Variants in RNF214 observed in about 807,000 individuals in gnomAD.
RNF214 encodes the protein ring finger protein 214.
In RNF214, 25 loss-of-function variants were observed where a neutral mutation model predicts 75.9. The observed-to-expected ratio is 0.33, with a 90% CI of 0.24 to 0.46. The LOEUF is 0.46. Among genes scored for constraint, RNF214 ranks in the 20% least tolerant of loss-of-function variants. RNF214 has a pLI of 1.00. For missense variants in RNF214, 725 were observed against 857.5 expected (o/e 0.85, Z 1.93); for synonymous variants, 314 against 308.8 (o/e 1.02, Z -0.18).
chr11:117,278,625 G>A (rs909946253), intron 6 of RNF214, among the ~76,000 whole-genome samples: 1 of 152,158 alleles, frequency 6.6e-6, no homozygotes, highest in African/African-American at 2.4e-5. Context: ...TGCTGAGTGG[G>A]GGGAAAACAT....
intron 6 of RNF214, among the ~76,000 whole-genome samples, chr11:117,263,592 T>C (rs538537678): frequency 3.9e-4 from 59 of 152,236 alleles, no homozygotes; most frequent in African/African-American, 1.4e-3. Context: ...ATTTTAATTA[T>C]GTGTGCATGC....
chr11:117,278,842 G>A (rs1052769029), intron 6 of RNF214, among the ~76,000 whole-genome samples: 1 of 152,204 alleles, frequency 6.6e-6, no homozygotes, highest in African/African-American at 2.4e-5. Context: ...TGTAATCCCA[G>A]CACTGTGGGA....
At chr11:117,269,363 G>A (rs1382913053) in intron 6 of RNF214, among the ~76,000 whole-genome samples, 2 of 152,142 alleles carry the variant, frequency 1.3e-5, no homozygotes, top group Non-Finnish European at 1.5e-5. Flanking sequence ...GTGAACAAAA[G>A]TTGTCTTTCT....
chr11:117,241,549 C>T (rs2033080802), intron 4 of RNF214, among the ~76,000 whole-genome samples: 1 of 148,898 alleles, frequency 6.7e-6, no homozygotes, highest in African/African-American at 2.5e-5. Context: ...CACTGCACTC[C>T]AGCCTGGTGA....
chr11:117,259,108 G>A (rs531970021), intron 6 of RNF214, among the ~76,000 whole-genome samples: 26 of 152,008 alleles, frequency 1.7e-4, no homozygotes, highest in African/African-American at 4.3e-4. Context: ...AGATGTGCAC[G>A]ATCACGCCCA....
chr11:117,258,251 T>G (rs2033571685), intron 6 of RNF214, among the ~76,000 whole-genome samples: 1 of 152,084 alleles, frequency 6.6e-6, no homozygotes, highest in African/African-American at 2.4e-5. Context: ...GTATTTTTAG[T>G]AGAAATGGGG....
intron 6 of RNF214, among the ~76,000 whole-genome samples, chr11:117,260,627 A>G (rs889651882): frequency 2.1e-5 from 3 of 144,328 alleles, no homozygotes; most frequent in Admixed American, 1.4e-4. Flanking sequence ...AGTGAGACCT[A>G]GTCTCTATTT....
chr11:117,271,222 C>T (rs1202877898), intron 6 of RNF214, among the ~76,000 whole-genome samples: 1 of 152,094 alleles, frequency 6.6e-6, no homozygotes, highest in Non-Finnish European at 1.5e-5. Flanking sequence ...TTCAAAGCAT[C>T]GTATTTTGGG....
chr11:117,261,748 C>A (rs2033667079), intron 6 of RNF214, among the ~76,000 whole-genome samples: 1 of 151,962 alleles, frequency 6.6e-6, no homozygotes, highest in South Asian at 2.1e-4. Context: ...TGGGTTCAAG[C>A]AATTTTCCTG....
chr11:117,260,360 G>A (rs2134390187), intron 6 of RNF214, among the ~76,000 whole-genome samples: 1 of 152,336 alleles, frequency 6.6e-6, no homozygotes, highest in Non-Finnish European at 1.5e-5. Flanking sequence ...ATATCCAGTT[G>A]TTCCAGCACC....
chr11:117,244,371 C>A, intron 4 of RNF214, 74 bp from the exon 5 acceptor site: 1 of 1,299,132 alleles, frequency 7.7e-7, no homozygotes, highest in Non-Finnish European at 1.1e-6. Context: ...CTATACAATG[C>A]CTTGGACAGG....
At position 117,263,195 on chromosome 11, in the gene RNF214, A is replaced by G. The variant is rs151142363; in HGVS notation, c.959+16247A>G. ...AGATACACATACATTTATGATTGTT[A>G]TTATAGGGGAGGGAAAAATGGTTTC... On this transcript the variant is annotated intron_variant, in intron 6 of 14. Coordinates refer to ENST00000300650, the MANE Select transcript of RNF214 (RefSeq NM_207343.4). Among the ~76,000 whole-genome samples the G allele has an allele frequency of 7.3e-5, 11 of 151,182 alleles. No homozygotes were observed. The East Asian group carries it at 1.9e-3, about 27-fold the overall frequency.
At chr11:117,260,953 C>T (rs971483229) in intron 6 of RNF214, among the ~76,000 whole-genome samples, 22 of 151,058 alleles carry the variant, frequency 1.5e-4, no homozygotes, top group African/African-American at 5.3e-4. Flanking sequence ...CTCGCCCGGC[C>T]AAGATTTTCT....
rs71466800 is a variant in RNF214, at chr11:117,245,484, C to T, written c.819+899C>T. ...CCTCCCAAGTAGCTGGGACTACAGG[C>T]GCCCGCCACTACGCCCGGCTAATTT... On this transcript the variant is annotated intron_variant, in intron 5 of 14. Coordinates refer to ENST00000300650, the MANE Select transcript of RNF214 (RefSeq NM_207343.4). Among the ~76,000 whole-genome samples the T allele has an allele frequency of 7.2e-3, 1,086 of 151,138 alleles. 6 individuals are homozygous for T. Among genetic ancestry groups the T allele is most frequent in the Non-Finnish European group, 0.01 (688 of 67,582 alleles).
chr11:117,284,656 G>A (rs550918031), intron 14 of RNF214, among the ~76,000 whole-genome samples: 3 of 152,236 alleles, frequency 2.0e-5, no homozygotes, highest in African/African-American at 4.8e-5. Context: ...GGGGCCAGGC[G>A]CGGTGGCTCA....
At chr11:117,263,520 C>T (rs993219913) in intron 6 of RNF214, among the ~76,000 whole-genome samples, 5 of 151,738 alleles carry the variant, frequency 3.3e-5, no homozygotes, top group East Asian at 3.9e-4. Flanking sequence ...ATGATCCACC[C>T]GCCTCGGCCT....
rs372872144 is a variant in RNF214, at chr11:117,244,623, A to C, written c.819+38A>C. The C allele has an allele frequency of 1.6e-5, 24 of 1,514,722 alleles. No individual in the cohort carries two copies. In the East Asian group the frequency reaches 5.4e-4, roughly 34 times the overall value. The allele number at this position is 1,514,722 out of a possible 1,614,324, so 93.8% of individuals were successfully genotyped here. On this transcript the variant is annotated intron_variant, in intron 5 of 14. Coordinates refer to ENST00000300650, the MANE Select transcript of RNF214 (RefSeq NM_207343.4). Reference sequence around the variant, plus strand: ...TATTGAAATTGTCAATGAGTTAAGCAACAGTCTCTGATCAAACTTTAATTT... The same window carrying C: ...TATTGAAATTGTCAATGAGTTAAGCCACAGTCTCTGATCAAACTTTAATTT...
chr11:117,268,734 G>A (rs1010994127), intron 6 of RNF214, among the ~76,000 whole-genome samples: 3 of 152,128 alleles, frequency 2.0e-5, no homozygotes, highest in African/African-American at 7.2e-5. Context: ...AGCTTGCTTG[G>A]AATTTGATTG....
At position 117,285,378 on chromosome 11, in the gene RNF214, G is replaced by T. The variant is rs2034232960; in HGVS notation, c.*227G>T. 2 of 388,484 alleles carry T rather than the reference G, an allele frequency of 5.1e-6. No individual in the cohort carries two copies. The highest frequency in any genetic ancestry group is 4.3e-5 in the South Asian group (1 of 23,024). The allele number at this position is 388,484 out of a possible 1,614,324, so 24.1% of individuals were successfully genotyped here. On this transcript the variant is annotated 3_prime_UTR_variant, in exon 15 of 15. Transcript: ENST00000300650. ...CCCCTCATCTTGCAATTCCTTTGGG[G>T]GATGCAGATTGTAGGGAAGATGATG...
Sources: gnomAD v4.1 joint callset for allele counts (sites outside exome capture counted in the v4.1 genomes callset) on GRCh38, gnomAD v4.1.1 for gene constraint, MANE v1.5 for transcripts, NCBI Gene and HGNC (gene_info 2026-07-23, HGNC 2026-07-21) for gene names.